Variants in CDH12 observed in about 807,000 individuals in gnomAD.
CDH12 encodes cadherin-12.
In CDH12, 41 loss-of-function variants were observed where a neutral mutation model predicts 74.1. The observed-to-expected ratio is 0.55, with a 90% CI of 0.43 to 0.72. The LOEUF is 0.72. Among genes scored for constraint, CDH12 ranks in the 30% least tolerant of loss-of-function variants. The pLI is 0.00. For missense variants in CDH12, 945 were observed against 977.2 expected (o/e 0.97, Z 0.44); for synonymous variants, 399 against 355.0 (o/e 1.12, Z -1.39).
At chr5:21,974,968 T>G in intron 6 of CDH12, 123 bp downstream of exon 6, 1 of 706,922 alleles carries the variant, frequency 1.4e-6, no homozygotes, top group South Asian at 2.0e-5. Flanking sequence ...TGAAAAGAAC[T>G]GTATTTTCTA....
At chr5:22,773,844 T>A (rs538844750) in intron 1 of CDH12, among the ~76,000 whole-genome samples, 72 of 152,180 alleles carry the variant, frequency 4.7e-4, no homozygotes, top group African/African-American at 1.7e-3. Context: ...ACATGGACAC[T>A]TCTTGGAAGA....
chr5:21,761,411 G>T (rs149276361), intron 12 of CDH12, among the ~76,000 whole-genome samples: 1 of 152,188 alleles, frequency 6.6e-6, no homozygotes, highest in African/African-American at 2.4e-5. Context: ...ATGGCTTTGA[G>T]GCATTTATTT....
intron 4 of CDH12, among the ~76,000 whole-genome samples, chr5:22,159,007 G>C (rs1202155775): frequency 6.6e-6 from 1 of 152,210 alleles, no homozygotes; most frequent in African/African-American, 2.4e-5. Flanking sequence ...CAGTTAAATT[G>C]TTGGCATCGG....
intron 2 of CDH12, among the ~76,000 whole-genome samples, chr5:22,424,038 GA>G (rs1743785512): frequency 1.6e-5 from 2 of 122,008 alleles, no homozygotes; most frequent in Non-Finnish European, 3.5e-5. Flanking sequence ...GAAAAGAAAA[GA>G]AAAAGAAAGA....
intron 5 of CDH12, among the ~76,000 whole-genome samples, chr5:22,073,425 T>C (rs1742091462): frequency 6.6e-6 from 1 of 152,160 alleles, no homozygotes; most frequent in South Asian, 2.1e-4. Context: ...CAATTATCCA[T>C]GTTGGTATAA....
chr5:22,442,685 T>C (rs1489001963), intron 2 of CDH12, among the ~76,000 whole-genome samples: 1 of 152,048 alleles, frequency 6.6e-6, no homozygotes, highest in Admixed American at 6.6e-5. Flanking sequence ...GAAAGATAGT[T>C]GAGAGGATGA....
chr5:22,603,742 G>A (rs970808339), intron 1 of CDH12, among the ~76,000 whole-genome samples: 7 of 152,118 alleles, frequency 4.6e-5, no homozygotes, highest in African/African-American at 1.4e-4. Flanking sequence ...AACCAGATTG[G>A]GGGAGTTATA....
chr5:21,759,420 T>C (rs1744589226), intron 13 of CDH12, among the ~76,000 whole-genome samples: 2 of 151,114 alleles, frequency 1.3e-5, no homozygotes, highest in African/African-American at 4.9e-5. Flanking sequence ...TCCCTCTAAA[T>C]AAATAAATAA....
intron 1 of CDH12, among the ~76,000 whole-genome samples, chr5:22,708,154 C>T (rs1370400296): frequency 6.6e-6 from 1 of 152,128 alleles, no homozygotes; most frequent in East Asian, 1.9e-4. Flanking sequence ...CTTTCCTTCG[C>T]TTTGTCATTT....
chr5:22,559,754 T>C (rs1276204598), intron 1 of CDH12, among the ~76,000 whole-genome samples: 1 of 152,158 alleles, frequency 6.6e-6, no homozygotes, highest in Admixed American at 6.5e-5. Flanking sequence ...GGCTAACGGT[T>C]GTCACCAGTA....
At chr5:21,964,701 T>C (rs1357820939) in intron 6 of CDH12, among the ~76,000 whole-genome samples, 1 of 152,018 alleles carries the variant, frequency 6.6e-6, no homozygotes, top group Non-Finnish European at 1.5e-5. Context: ...GGGGATTAGT[T>C]ATGGTTCAAG....
At chr5:21,979,059 A>G (rs1451007114) in intron 5 of CDH12, among the ~76,000 whole-genome samples, 2 of 152,200 alleles carry the variant, frequency 1.3e-5, no homozygotes, top group Non-Finnish European at 2.9e-5. Context: ...ACTGTAAAAA[A>G]AATCACATGA....
intron 3 of CDH12, among the ~76,000 whole-genome samples, chr5:22,376,683 ATTT>A (rs34256665): frequency 1.3e-4 from 15 of 117,188 alleles, no homozygotes; most frequent in Non-Finnish European, 1.4e-4. Context: ...TGGTTGACTA[ATTT>A]TTTTTTTTTT....
intron 4 of CDH12, among the ~76,000 whole-genome samples, chr5:22,128,295 G>A (rs1745993396): frequency 6.6e-6 from 1 of 151,968 alleles, no homozygotes; most frequent in Non-Finnish European, 1.5e-5. Flanking sequence ...GAGGGTGCAA[G>A]ATGAAACTCA....
intron 2 of CDH12, among the ~76,000 whole-genome samples, chr5:22,426,873 AAACT>A (rs1337748632): frequency 1.3e-5 from 2 of 152,160 alleles, no homozygotes; most frequent in Non-Finnish European, 2.9e-5. Context: ...CTACCTAAAC[AAACT>A]AATTCTGATA....
chr5:22,563,760 G>A (rs1000509296), intron 1 of CDH12, among the ~76,000 whole-genome samples: 1 of 152,152 alleles, frequency 6.6e-6, no homozygotes, highest in Non-Finnish European at 1.5e-5. Flanking sequence ...CATGGCTGGG[G>A]AGGCCCCACG....
intron 2 of CDH12, among the ~76,000 whole-genome samples, chr5:22,452,880 C>CAAAAAAAAAAAAAAAA (rs768945480): frequency 8.4e-4 from 27 of 32,198 alleles, no homozygotes; most frequent in East Asian, 2.2e-3. Flanking sequence ...AACCTAAGAG[C>CAAAAAAAAAAAAAAAA]AAAAAAAAAA....
intron 3 of CDH12, among the ~76,000 whole-genome samples, chr5:22,241,409 C>G (rs1195788301): frequency 1.3e-5 from 2 of 151,862 alleles, no homozygotes; most frequent in Non-Finnish European, 2.9e-5. Context: ...AACTTGTGAC[C>G]AAAACAGTTC....
chr5:21,844,427 G>A (rs1314469271), intron 7 of CDH12, among the ~76,000 whole-genome samples: 1 of 151,870 alleles, frequency 6.6e-6, no homozygotes, highest in African/African-American at 2.4e-5. Context: ...GCTGGGGCAG[G>A]GGAAGCACAC....
Sources: gnomAD v4.1 joint callset for allele counts (sites outside exome capture counted in the v4.1 genomes callset) on GRCh38, gnomAD v4.1.1 for gene constraint, MANE v1.5 for transcripts, NCBI Gene and HGNC (gene_info 2026-07-23, HGNC 2026-07-21) for gene names.